ENOX2: variants seen among roughly 807,000 people sequenced by gnomAD.
ENOX2 encodes the protein APK1 antigen.
ENOX2 carries 36 observed loss-of-function variants against 45.0 expected under a neutral mutation model. That is an observed-to-expected ratio of 0.80 (90% confidence interval 0.61 to 1.06). The LOEUF is 1.06. ENOX2 is among the 50% of genes least tolerant of loss of function. The probability of loss-of-function intolerance (pLI) is 0.00; values close to 1 mark genes in which losing one functional copy is unlikely to be tolerated. For missense variants in ENOX2, 423 were observed against 462.5 expected (o/e 0.91, Z 0.78); for synonymous variants, 174 against 152.3 (o/e 1.14, Z -1.05).
chrX:130,749,367 G>A (rs1362079768), intron 3 of ENOX2, among the ~76,000 whole-genome samples: 1 of 111,821 alleles, frequency 8.9e-6, no homozygotes, highest in African/African-American at 3.3e-5. Context: ...CTGTAAAGGA[G>A]AAAAGCGGTC....
At chrX:130,792,723 G>A (rs2077061685) in intron 2 of ENOX2, among the ~76,000 whole-genome samples, 1 of 111,824 alleles carries the variant, frequency 8.9e-6, no homozygotes, top group African/African-American at 3.3e-5. Flanking sequence ...AACCCGGGTG[G>A]CGGAGGTTGC....
chrX:130,849,952 G>A (rs2078178778), intron 2 of ENOX2, among the ~76,000 whole-genome samples: 2 of 111,459 alleles, frequency 1.8e-5, no homozygotes, highest in South Asian at 7.5e-4. Context: ...CCTTCTCCCT[G>A]AACCAGTCTT....
intron 2 of ENOX2, among the ~76,000 whole-genome samples, chrX:130,846,764 T>C (rs375042029): frequency 1.8e-5 from 2 of 113,052 alleles, no homozygotes. Flanking sequence ...CCATGTACCA[T>C]CAACCTTCAT....
chrX:130,846,817 G>C (rs950220869), intron 2 of ENOX2, among the ~76,000 whole-genome samples: 1 of 112,346 alleles, frequency 8.9e-6, no homozygotes, highest in African/African-American at 3.2e-5. Flanking sequence ...CTGAATTTTA[G>C]CATACTGTCT....
At chrX:130,750,749 T>C (rs190053341) in intron 3 of ENOX2, among the ~76,000 whole-genome samples, 226 of 111,420 alleles carry the variant, frequency 2.0e-3, no homozygotes, top group African/African-American at 7.1e-3. Context: ...CCCATTCTTC[T>C]CTGTTGGTTT....
chrX:130,644,126 A>G (rs1248386882), intron 10 of ENOX2, among the ~76,000 whole-genome samples: 2 of 112,361 alleles, frequency 1.8e-5, no homozygotes, highest in Non-Finnish European at 3.8e-5. Context: ...ATTTACAAGT[A>G]TTTTAAAATA....
intron 2 of ENOX2, among the ~76,000 whole-genome samples, chrX:130,795,590 T>G (rs2077109557): frequency 8.9e-6 from 1 of 111,810 alleles, no homozygotes; most frequent in Non-Finnish European, 1.9e-5. Flanking sequence ...AATTTTAGGA[T>G]TTAATATGAT....
chrX:130,662,997 C>T (rs1184901082), intron 9 of ENOX2, among the ~76,000 whole-genome samples: 1 of 111,965 alleles, frequency 8.9e-6, no homozygotes, highest in African/African-American at 3.2e-5. Context: ...AGTTTTGTTA[C>T]AATATTGGGC....
At chrX:130,830,630 T>C (rs1216167071) in intron 2 of ENOX2, among the ~76,000 whole-genome samples, 2 of 112,332 alleles carry the variant, frequency 1.8e-5, no homozygotes, top group Admixed American at 1.9e-4. Flanking sequence ...TCTGTCTTTC[T>C]ACTGGAAGTT....
chrX:130,737,823 G>T (rs2038897086), intron 3 of ENOX2, among the ~76,000 whole-genome samples: 1 of 111,810 alleles, frequency 8.9e-6, no homozygotes, highest in African/African-American at 3.3e-5. Flanking sequence ...GTCTAAGGGG[G>T]ACAAAAGAAA....
intron 2 of ENOX2, among the ~76,000 whole-genome samples, chrX:130,812,051 G>T (rs1368913538): frequency 8.9e-6 from 1 of 111,756 alleles, no homozygotes; most frequent in Non-Finnish European, 1.9e-5. Context: ...AAGGATGCGA[G>T]CTCACAGGAT....
chrX:130,660,912 ACTACT>A (rs1253278100), intron 9 of ENOX2, among the ~76,000 whole-genome samples: 1 of 112,133 alleles, frequency 8.9e-6, no homozygotes, highest in African/African-American at 3.2e-5. Flanking sequence ...AAATTCACAC[ACTACT>A]CTATAATGGG....
chrX:130,671,566 T>C (rs770605698), intron 6 of ENOX2, among the ~76,000 whole-genome samples: 4 of 111,638 alleles, frequency 3.6e-5, no homozygotes, highest in Non-Finnish European at 7.5e-5. Flanking sequence ...TTCAGAGATA[T>C]GCAGAGGGTC....
intron 3 of ENOX2, among the ~76,000 whole-genome samples, chrX:130,750,502 A>G (rs1189348598): frequency 9.0e-6 from 1 of 110,593 alleles, no homozygotes; most frequent in Non-Finnish European, 1.9e-5. Flanking sequence ...CTAGCTGACT[A>G]TCTTTCTCTA....
At chrX:130,869,951 T>C (rs747523358) in intron 2 of ENOX2, among the ~76,000 whole-genome samples, 1 of 112,168 alleles carries the variant, frequency 8.9e-6, no homozygotes, top group African/African-American at 3.2e-5. Flanking sequence ...GTAAGCAATA[T>C]GCTGTATCAA....
intron 6 of ENOX2, among the ~76,000 whole-genome samples, chrX:130,673,422 T>G (rs1432858350): frequency 9.8e-6 from 1 of 101,922 alleles, no homozygotes; most frequent in East Asian, 3.0e-4. Flanking sequence ...AGTTGAAAAC[T>G]AACACAAAGC....
chrX:130,874,540 A>C (rs182427767), intron 2 of ENOX2, among the ~76,000 whole-genome samples: 2 of 112,082 alleles, frequency 1.8e-5, no homozygotes, highest in East Asian at 2.8e-4. Context: ...AGAAGAAGGA[A>C]AGCAATGAAA....
At chrX:130,662,766 G>A (rs1263452564) in intron 9 of ENOX2, among the ~76,000 whole-genome samples, 1 of 112,293 alleles carries the variant, frequency 8.9e-6, no homozygotes, top group Admixed American at 9.4e-5. Context: ...TTAGGTTTAG[G>A]GAATGCAATA....
chrX:130,627,887 A>T (rs1603287420), intron 14 of ENOX2, 71 bp downstream of exon 14: 4 of 692,046 alleles, frequency 5.8e-6, no homozygotes. Flanking sequence ...TTTATGCTTG[A>T]GGAGAGTCAG....
Sources: allele counts gnomAD v4.1 joint callset (sites outside exome capture counted in the v4.1 genomes callset), GRCh38; gene constraint gnomAD v4.1.1; transcripts MANE v1.5; gene names NCBI Gene and HGNC (gene_info 2026-07-23, HGNC 2026-07-21).